Variants in CALN1 observed in about 807,000 individuals in gnomAD.
CALN1 encodes calneuron 1, also known as calcium-binding protein 8.
CALN1 carries 17 observed loss-of-function variants against 30.6 expected under a neutral mutation model. The ratio of observed to expected loss-of-function variants is 0.56; its 90% CI spans 0.38 to 0.83. CALN1 has a LOEUF of 0.83. CALN1 is among the 40% of genes least tolerant of loss of function. The pLI, the probability that CALN1 is intolerant of heterozygous loss-of-function variation, is 0.00. For missense variants in CALN1, 291 were observed against 354.9 expected (o/e 0.82, Z 1.45); for synonymous variants, 156 against 131.4 (o/e 1.19, Z -1.28).
At chr7:71,807,182 A>G (rs1054598156) in intron 6 of CALN1, among the ~76,000 whole-genome samples, 1 of 152,212 alleles carries the variant, frequency 6.6e-6, no homozygotes, top group Admixed American at 6.5e-5. Context: ...AGGTCTTGAT[A>G]GAAGAAGGGA....
In CALN1 at chr7:72,320,011, A is replaced by G. The variant is rs142616891; in HGVS notation, c.120-41201T>C. On this transcript the variant is annotated intron_variant, in intron 2 of 6. Coordinates refer to ENST00000395275, the MANE Select transcript of CALN1 (RefSeq NM_031468.4). ...TCTACTAAAAATACAAAAACAAATT[A>G]GCCAGGGCGTGAGACAGGAGAATCA... Among the ~76,000 whole-genome samples the G allele has an allele frequency of 6.8e-3, 1,030 of 152,246 alleles. 14 individuals carry two copies. Among genetic ancestry groups the G allele is most frequent in the African/African-American group, 0.024 (987 of 41,544 alleles).
In CALN1 at chr7:71,830,714, C is replaced by A. The variant is rs139813148; in HGVS notation, c.502-20222G>T. Among the ~76,000 whole-genome samples, 1,355 of 152,280 alleles carry A rather than the reference C, an allele frequency of 8.9e-3. 16 individuals are homozygous for A. Among genetic ancestry groups the A allele is most frequent in the African/African-American group, 0.03 (1,232 of 41,540 alleles). ...TCGAACTTGGTTCTTACTCAGATAC[C>A]ATCACATAGGGGCTGTGTGACTCAT... On this transcript the variant is annotated intron_variant, in intron 5 of 6. Coordinates refer to ENST00000395275, the MANE Select transcript of CALN1 (RefSeq NM_031468.4).
At position 71,866,036 on chromosome 7, in the gene CALN1, C is replaced by T. The variant is rs535748930; in HGVS notation, c.502-55544G>A. 2.1e-4 allele frequency among the ~76,000 whole-genome samples: 32 copies of T among 151,708 alleles called. 1 individual carries two copies. Among genetic ancestry groups the T allele is most frequent in the Admixed American group, 1.7e-3 (26 of 15,232 alleles). ...TTCTTTTTTTTTTGAGACAGAGTCT[C>T]GCTCTGTCGCCCAGGTTGGAGTGCA... On this transcript the variant is annotated intron_variant, in intron 5 of 6. Transcript: ENST00000395275.
chr7:72,450,287 T>C (rs1808634773), upstream of CALN1, among the ~76,000 whole-genome samples: 1 of 152,194 alleles, frequency 6.6e-6, no homozygotes, highest in South Asian at 2.1e-4. Context: ...TCCGAGGAGA[T>C]TTGCATATTG....
chr7:72,084,766 A>T (rs545508495), intron 4 of CALN1, among the ~76,000 whole-genome samples: 1 of 152,356 alleles, frequency 6.6e-6, no homozygotes, highest in Admixed American at 6.5e-5. Flanking sequence ...AAAAGATACT[A>T]CAGTAGTTCC....
intron 5 of CALN1, among the ~76,000 whole-genome samples, chr7:71,967,012 A>G (rs778291717): frequency 6.6e-6 from 1 of 152,208 alleles, no homozygotes; most frequent in Non-Finnish European, 1.5e-5. Flanking sequence ...CCATGATGTC[A>G]TTGGTTTTTA....
rs1562835983 is a variant in CALN1 at position 71,847,841 on chromosome 7, G to GA, written c.502-37350dup. Among the ~76,000 whole-genome samples the GA allele has an allele frequency of 2.2e-3, 188 of 87,266 alleles. 1 individual carries two copies. Among genetic ancestry groups the GA allele is most frequent in the African/African-American group, 0.012 (169 of 13,938 alleles). The allele number at this position is 87,266 out of a possible 152,430, so 57.2% of individuals were successfully genotyped here. On this transcript the variant is annotated intron_variant, in intron 5 of 6. Coordinates refer to ENST00000395275, the MANE Select transcript of CALN1 (RefSeq NM_031468.4). ...GGAGAAGGAGAAGGAGAAGGAGAAG[G>GA]AGAAGGAGAAGAAGAAGAGGAAAGT...
chr7:72,004,197 G>A (rs767809550), intron 5 of CALN1, among the ~76,000 whole-genome samples: 3 of 152,146 alleles, frequency 2.0e-5, no homozygotes, highest in Non-Finnish European at 4.4e-5. Flanking sequence ...ATGGATCAAT[G>A]AAACAGAACA....
At chr7:72,218,085 G>A (rs894789878) in intron 3 of CALN1, among the ~76,000 whole-genome samples, 13 of 151,126 alleles carry the variant, frequency 8.6e-5, no homozygotes, top group Middle Eastern at 3.4e-3. Context: ...CTCGTGATCC[G>A]CCCTCCTCGG....
intron 3 of CALN1, among the ~76,000 whole-genome samples, chr7:72,164,347 G>A (rs113981447): frequency 1.9e-3 from 133 of 71,566 alleles, no homozygotes; most frequent in East Asian, 2.2e-3. Flanking sequence ...GCAACACTCC[G>A]TCAAAAAAAA....
At chr7:72,328,976 C>T (rs1483510945) in intron 2 of CALN1, among the ~76,000 whole-genome samples, 5 of 152,230 alleles carry the variant, frequency 3.3e-5, no homozygotes, top group African/African-American at 1.2e-4. Flanking sequence ...GGATTACAGG[C>T]GTAAGCCAAC....
chr7:72,222,226 A>C (rs1424348858), intron 3 of CALN1, among the ~76,000 whole-genome samples: 2 of 95,180 alleles, frequency 2.1e-5, no homozygotes, highest in East Asian at 6.0e-4. Flanking sequence ...ACTCCGTCTC[A>C]AAAAAAGAAA....
At chr7:72,416,064 C>T (rs1211742698), upstream of CALN1, among the ~76,000 whole-genome samples, 1 of 152,164 alleles carries the variant, frequency 6.6e-6, no homozygotes, top group Non-Finnish European at 1.5e-5. Context: ...TTCCAGTCTC[C>T]ACCTGTGATG....
intron 5 of CALN1, among the ~76,000 whole-genome samples, chr7:71,847,839 A>AGGAGAG (rs1562835959): frequency 9.5e-6 from 1 of 105,272 alleles, no homozygotes; most frequent in African/African-American, 5.3e-5. Flanking sequence ...GAGAAGGAGA[A>AGGAGAG]GGAGAAGGAG....
At chr7:72,105,833 AGGGATGGGGATGAGGGAGGGGGAAGAGG>A in intron 4 of CALN1, among the ~76,000 whole-genome samples, 1 of 51,516 alleles carries the variant, frequency 1.9e-5, no homozygotes, top group South Asian at 1.1e-3. Flanking sequence ...AGAGGGGGAT[AGGGATGGGGATGAGGGAGGGGGAAGAGG>A]GGGATGGGGA....
chr7:71,834,560 T>A (rs1789499314), intron 5 of CALN1, among the ~76,000 whole-genome samples: 2 of 152,154 alleles, frequency 1.3e-5, no homozygotes, highest in Non-Finnish European at 2.9e-5. Flanking sequence ...AAAAGTGTTC[T>A]GAGATGGAAA....
intron 2 of CALN1, among the ~76,000 whole-genome samples, chr7:72,393,926 TTAAA>T (rs1289012854): frequency 2.6e-5 from 4 of 152,106 alleles, no homozygotes; most frequent in Non-Finnish European, 5.9e-5. Flanking sequence ...CGGAGCACTC[TTAAA>T]TATTTATCAG....
intron 5 of CALN1, among the ~76,000 whole-genome samples, chr7:71,836,790 G>T (rs1193722592): frequency 6.6e-6 from 1 of 151,510 alleles, no homozygotes; most frequent in African/African-American, 2.4e-5. Context: ...GCTAATTTTT[G>T]TATTTTTAGT....
chr7:72,017,088 C>T lies in CALN1; in HGVS notation c.501+6569G>A, dbSNP rs566045643. Among the ~76,000 whole-genome samples, 6 of 148,038 alleles carry T rather than the reference C, an allele frequency of 4.1e-5. No homozygotes were observed. In the South Asian group the frequency reaches 1.1e-3, roughly 27 times the overall value. On this transcript the variant is annotated intron_variant, in intron 5 of 6. Coordinates refer to ENST00000395275, the MANE Select transcript of CALN1 (RefSeq NM_031468.4). ...CTGAAGCATGAGAATCACTTGAACC[C>T]GGGAGATGGAGGCTGCAGTGAGCCG...
Sources: allele counts gnomAD v4.1 joint callset (sites outside exome capture counted in the v4.1 genomes callset), GRCh38; gene constraint gnomAD v4.1.1; transcripts MANE v1.5; gene names NCBI Gene and HGNC (gene_info 2026-07-23, HGNC 2026-07-21).